CAMK4: variants seen among roughly 807,000 people sequenced by gnomAD.
The protein encoded by CAMK4 is calcium/calmodulin-dependent protein kinase type IV.
A neutral mutation model predicts 44.9 loss-of-function variants in CAMK4; 22 were observed. That is an observed-to-expected ratio of 0.49 (90% CI 0.35 to 0.70). The LOEUF is 0.70. CAMK4 is among the 30% of genes least tolerant of loss of function. The pLI is 0.01. For synonymous variants in CAMK4, 218 were observed against 215.4 expected (o/e 1.01, Z -0.11); for missense variants, 498 against 586.8 (o/e 0.85, Z 1.56).
chr5:111,231,509 T>C (rs1748476508), intron 1 of CAMK4, among the ~76,000 whole-genome samples: 1 of 152,222 alleles, frequency 6.6e-6, no homozygotes, highest in Non-Finnish European at 1.5e-5. Context: ...GAGAATCATG[T>C]CTTGAAGCTA....
intron 7 of CAMK4, among the ~76,000 whole-genome samples, chr5:111,462,490 T>G (rs1240834666): frequency 6.6e-6 from 1 of 152,248 alleles, no homozygotes; most frequent in Non-Finnish European, 1.5e-5. Context: ...ATTTGATGAT[T>G]TCTTTAATGA....
At chr5:111,319,077 A>G (rs1005708439) in intron 1 of CAMK4, among the ~76,000 whole-genome samples, 1 of 152,156 alleles carries the variant, frequency 6.6e-6, no homozygotes, top group African/African-American at 2.4e-5. Context: ...GGTCTACTAT[A>G]TGAAAGACAC....
At chr5:111,467,933 G>GTC (rs1219883769) in intron 7 of CAMK4, among the ~76,000 whole-genome samples, 1 of 47,882 alleles carries the variant, frequency 2.1e-5, no homozygotes, top group African/African-American at 6.8e-5. Context: ...TAAAGAAATT[G>GTC]TCACACACAC....
chr5:111,387,640 C>CA (rs1751652695), intron 4 of CAMK4, among the ~76,000 whole-genome samples: 1 of 152,148 alleles, frequency 6.6e-6, no homozygotes. Context: ...TGAACATAGG[C>CA]AAAAGTATTG....
chr5:111,250,608 G>C (rs1199514522), intron 1 of CAMK4, among the ~76,000 whole-genome samples: 1 of 152,046 alleles, frequency 6.6e-6, no homozygotes, highest in African/African-American at 2.4e-5. Context: ...CATCCCTGTA[G>C]TATCCATTTT....
chr5:111,336,644 A>G (rs920990067), intron 1 of CAMK4, among the ~76,000 whole-genome samples: 2 of 151,194 alleles, frequency 1.3e-5, no homozygotes, highest in Admixed American at 1.3e-4. Context: ...TAAGACAATG[A>G]TTTATATATG....
intron 1 of CAMK4, among the ~76,000 whole-genome samples, chr5:111,327,936 G>A (rs192930919): frequency 9.1e-6 from 1 of 109,822 alleles, no homozygotes; most frequent in African/African-American, 4.2e-5. Flanking sequence ...GTAGGTTGCA[G>A]AAATTTTCTC....
chr5:111,377,927 C>A (rs1340136700), intron 4 of CAMK4, among the ~76,000 whole-genome samples: 1 of 152,010 alleles, frequency 6.6e-6, no homozygotes, highest in Non-Finnish European at 1.5e-5. Flanking sequence ...TGAACAACTG[C>A]TACAATGAAT....
In CAMK4 at chr5:111,485,252, GAAA is replaced by G. The variant is rs1755574038; in HGVS notation, c.*788_*790del. On this transcript the variant is annotated 3_prime_UTR_variant, in exon 11 of 11. Transcript: ENST00000282356. ...AGCTTAGGGTGTAATAAACAGGGAA[GAAA>G]AGAAGGTAAGACTGTACTTAAACTG... 6.6e-6 allele frequency: 1 copy of G among 152,166 alleles called. No homozygotes were observed. The highest frequency in any genetic ancestry group is 1.5e-5 in the Non-Finnish European group (1 of 68,004). The allele number at this position is 152,166 out of a possible 1,614,324, so 9.4% of individuals were successfully genotyped here.
intron 1 of CAMK4, among the ~76,000 whole-genome samples, chr5:111,227,396 A>T (rs1294889181): frequency 3.9e-5 from 6 of 152,218 alleles, no homozygotes; most frequent in Non-Finnish European, 7.3e-5. Context: ...TGTCATTAAT[A>T]TACTAAGAGA....
chr5:111,395,821 A>G (rs1362953593), intron 5 of CAMK4, among the ~76,000 whole-genome samples: 1 of 152,182 alleles, frequency 6.6e-6, no homozygotes, highest in Non-Finnish European at 1.5e-5. Flanking sequence ...TTGAATATGA[A>G]ACCAGAACAA....
Position 111,300,220 on chromosome 5 carries a change from A to G in CAMK4, c.162-43804A>G, listed in dbSNP as rs17133042. On this transcript the variant is annotated intron_variant, in intron 1 of 10. Transcript: ENST00000282356. ...ATCATGGGGCTTCTTTGCTCATAAGAGCTGTGAAACGAGACAGAATTATTA... is the reference window on the plus strand; with the variant it reads ...ATCATGGGGCTTCTTTGCTCATAAGGGCTGTGAAACGAGACAGAATTATTA... Among the ~76,000 whole-genome samples the G allele has an allele frequency of 5.7e-3, 870 of 152,312 alleles. 9 individuals are homozygous for G. Among genetic ancestry groups the G allele is most frequent in the African/African-American group, 0.02 (817 of 41,568 alleles).
intron 2 of CAMK4, among the ~76,000 whole-genome samples, chr5:111,350,326 C>T (rs1158068869): frequency 6.6e-6 from 1 of 152,046 alleles, no homozygotes; most frequent in African/African-American, 2.4e-5. Context: ...TTAATGTTCT[C>T]ATTAGCTTGA....
intron 1 of CAMK4, among the ~76,000 whole-genome samples, chr5:111,270,651 A>G (rs183534371): frequency 6.6e-6 from 1 of 152,224 alleles, no homozygotes; most frequent in African/African-American, 2.4e-5. Flanking sequence ...CTTAAATTCC[A>G]TGAACCACAC....
chr5:111,454,146 G>A (rs1754334401), intron 7 of CAMK4, among the ~76,000 whole-genome samples: 1 of 152,200 alleles, frequency 6.6e-6, no homozygotes, highest in East Asian at 1.9e-4. Context: ...CTTTGAACTT[G>A]AAAAAGTGTC....
intron 2 of CAMK4, among the ~76,000 whole-genome samples, chr5:111,347,758 A>G (rs944656918): frequency 4.6e-5 from 7 of 151,956 alleles, no homozygotes; most frequent in Non-Finnish European, 7.4e-5. Flanking sequence ...AATTAAACTA[A>G]TTGTATCTGC....
chr5:111,223,897 G>A (rs896612868), upstream of CAMK4: 18 of 153,042 alleles, frequency 1.2e-4, no homozygotes, highest in African/African-American at 4.3e-4. This position sits in a 1 kb window ranked among gnomAD's most constrained non-coding sequence, Gnocchi z 4.3. Context: ...CTCAAGGAGG[G>A]ATGAGTTGCG....
At chr5:111,409,594 T>C (rs1388436682) in intron 5 of CAMK4, among the ~76,000 whole-genome samples, 2 of 152,234 alleles carry the variant, frequency 1.3e-5, no homozygotes, top group Non-Finnish European at 2.9e-5. Context: ...CTTATGCAAA[T>C]TTCTACAGCA....
intron 7 of CAMK4, among the ~76,000 whole-genome samples, chr5:111,452,918 AC>A (rs1387748272): frequency 4.6e-5 from 7 of 152,328 alleles, no homozygotes; most frequent in Non-Finnish European, 1.5e-5. Context: ...GGTAGACTCT[AC>A]TTACCTTAGT....
Sources: gnomAD v4.1 joint callset for allele counts (sites outside exome capture counted in the v4.1 genomes callset) on GRCh38, gnomAD v4.1.1 for gene constraint, Gnocchi (gnomAD v3.1) non-coding constraint, MANE v1.5 for transcripts, NCBI Gene and HGNC (gene_info 2026-07-23, HGNC 2026-07-21) for gene names.